Variants in TNIK observed in about 807,000 individuals in gnomAD.
TNIK encodes TRAF2 and NCK-interacting protein kinase.
A neutral mutation model predicts 191.3 loss-of-function variants in TNIK; 49 were observed. The ratio of observed to expected loss-of-function variants is 0.26; its 90% confidence interval spans 0.20 to 0.32. TNIK has a LOEUF of 0.32. TNIK is among the 10% of genes least tolerant of loss of function. The pLI is 1.00. For missense variants in TNIK, 1,155 were observed against 1,702.3 expected (o/e 0.68, Z 5.66); for synonymous variants, 594 against 600.9 (o/e 0.99, Z 0.17).
At chr3:171,246,621 C>CA (rs555849308) in intron 2 of TNIK, among the ~76,000 whole-genome samples, 125 of 151,878 alleles carry the variant, frequency 8.2e-4, no homozygotes, top group African/African-American at 2.7e-3. Flanking sequence ...TTTTAGCAAA[C>CA]AAAAAAAATA....
At chr3:171,200,525 A>G (rs1321307925) in intron 4 of TNIK, among the ~76,000 whole-genome samples, 1 of 151,812 alleles carries the variant, frequency 6.6e-6, no homozygotes, top group Non-Finnish European at 1.5e-5. Flanking sequence ...GTTTTCTCAT[A>G]GAGGTTGGTC....
chr3:171,271,761 T>C (rs1329824702), intron 2 of TNIK, among the ~76,000 whole-genome samples: 1 of 152,176 alleles, frequency 6.6e-6, no homozygotes, highest in Non-Finnish European at 1.5e-5. Context: ...TACAACCTAT[T>C]ATATATAACT....
chr3:171,448,011 A>G (rs543562859), intron 1 of TNIK, among the ~76,000 whole-genome samples: 20 of 152,356 alleles, frequency 1.3e-4, no homozygotes, highest in African/African-American at 4.8e-4. Flanking sequence ...TAAGTACACA[A>G]ACTACTGAAA....
chr3:171,316,232 C>T (rs2108316467), intron 2 of TNIK, among the ~76,000 whole-genome samples: 1 of 152,184 alleles, frequency 6.6e-6, no homozygotes. Flanking sequence ...CAAGATAAAG[C>T]TTTCAAGAAA....
At chr3:171,136,136 T>C (rs1287536230) in intron 15 of TNIK, among the ~76,000 whole-genome samples, 1 of 152,226 alleles carries the variant, frequency 6.6e-6, no homozygotes, top group African/African-American at 2.4e-5. Context: ...AATTCTGGAA[T>C]GGTTTGCACA....
At chr3:171,211,696 T>C (rs749510430) in intron 3 of TNIK, among the ~76,000 whole-genome samples, 1 of 152,146 alleles carries the variant, frequency 6.6e-6, no homozygotes, top group African/African-American at 2.4e-5. Flanking sequence ...GCTCCTTTCA[T>C]TGAAGTACCT....
At chr3:171,239,417 A>T (rs1299862880) in intron 2 of TNIK, among the ~76,000 whole-genome samples, 2 of 152,250 alleles carry the variant, frequency 1.3e-5, no homozygotes, top group Non-Finnish European at 2.9e-5. Context: ...AGAAAAAATA[A>T]ATGAGCAGCA....
chr3:171,290,516 A>C (rs1751565622), intron 2 of TNIK, among the ~76,000 whole-genome samples: 1 of 152,170 alleles, frequency 6.6e-6, no homozygotes, highest in Non-Finnish European at 1.5e-5. Context: ...AATGGCAATT[A>C]TTATTATATG....
intron 2 of TNIK, among the ~76,000 whole-genome samples, chr3:171,361,820 T>C (rs1715019120): frequency 6.6e-6 from 1 of 152,172 alleles, no homozygotes; most frequent in Admixed American, 6.5e-5. Flanking sequence ...ACTTTCATAG[T>C]CATTAATTGA....
At chr3:171,421,489 T>TAGAA (rs1723791046) in intron 1 of TNIK, among the ~76,000 whole-genome samples, 3 of 152,202 alleles carry the variant, frequency 2.0e-5, no homozygotes, top group African/African-American at 7.2e-5. Flanking sequence ...CATACTTTCC[T>TAGAA]TCTGAAGTCA....
At chr3:171,172,098 C>T (rs1393355159) in intron 9 of TNIK, among the ~76,000 whole-genome samples, 1 of 152,140 alleles carries the variant, frequency 6.6e-6, no homozygotes, top group African/African-American at 2.4e-5. Context: ...AGAGCAGTGC[C>T]ACTGCCTTTA....
At chr3:171,453,196 TA>T (rs771212329) in intron 1 of TNIK, among the ~76,000 whole-genome samples, 225 of 152,304 alleles carry the variant, frequency 1.5e-3, no homozygotes, top group Middle Eastern at 0.01. Context: ...TGAGGATCCC[TA>T]AGAAAATCAA....
intron 1 of TNIK, among the ~76,000 whole-genome samples, chr3:171,392,354 G>C (rs1163899796): frequency 6.6e-6 from 1 of 152,170 alleles, no homozygotes; most frequent in Non-Finnish European, 1.5e-5. Context: ...ATGAGAAAGG[G>C]GAGGAGAGGG....
rs1033072598 is a variant in TNIK, at chr3:171,060,317, C to T, written c.*3564G>A. 1.3e-5 allele frequency among the ~76,000 whole-genome samples: 2 copies of T among 152,076 alleles called. No individual in the cohort carries two copies. The highest frequency in any genetic ancestry group is 4.8e-5 in the African/African-American group (2 of 41,394). On this transcript the variant is annotated 3_prime_UTR_variant, in exon 33 of 33. Coordinates refer to ENST00000436636, the MANE Select transcript of TNIK (RefSeq NM_015028.4). ...CTAATAATCTACTGGACAGGAGGGA[C>T]CAGAGACACCAATTACCAATGAGTC...
intron 12 of TNIK, among the ~76,000 whole-genome samples, chr3:171,143,104 A>G (rs1731073719): frequency 1.3e-5 from 2 of 152,218 alleles, no homozygotes; most frequent in South Asian, 4.1e-4. Flanking sequence ...AGTAACTAAT[A>G]ATTAATAATG....
chr3:171,279,828 A>G (rs1750219477), intron 2 of TNIK, among the ~76,000 whole-genome samples: 1 of 152,170 alleles, frequency 6.6e-6, no homozygotes, highest in African/African-American at 2.4e-5. Flanking sequence ...AGATTATTTA[A>G]ATTGCCCAAA....
At position 171,294,725 on chromosome 3, in the gene TNIK, A is replaced by G. The variant is rs149538406; in HGVS notation, c.124-66504T>C. 2.0e-4 allele frequency among the ~76,000 whole-genome samples: 30 copies of G among 151,880 alleles called. 1 individual carries two copies. Among genetic ancestry groups the G allele is most frequent in the African/African-American group, 7.2e-4 (30 of 41,402 alleles). On this transcript the variant is annotated intron_variant, in intron 2 of 32. Coordinates refer to ENST00000436636, the MANE Select transcript of TNIK (RefSeq NM_015028.4). ...CACAAGAAGGAAACTCCATCTCAAT[A>G]ATAATAATAATAATAATGAATGACA...
rs1719562085 is a variant in TNIK, at chr3:171,074,017, CA to C, written c.3449-2695del. Among the ~76,000 whole-genome samples, 3 of 129,698 alleles carry C rather than the reference CA, an allele frequency of 2.3e-5. No homozygotes were observed. The South Asian group carries it at 8.1e-4, about 35-fold the overall frequency. 85.1% of individuals were successfully genotyped at this position (129,698 alleles called of 152,430 possible). A position where few individuals can be genotyped will look rare whatever the true frequency, so the allele number is the denominator to read the frequency against. On this transcript the variant is annotated intron_variant, in intron 28 of 32. Coordinates refer to ENST00000436636, the MANE Select transcript of TNIK (RefSeq NM_015028.4). ...AGCAGTCCCACTTCTGGGTAAATCCCAAAGGAAAATAACTTTTTTTTTTTTT... is the reference window on the plus strand; with the variant it reads ...AGCAGTCCCACTTCTGGGTAAATCCCAAGGAAAATAACTTTTTTTTTTTTT...
At chr3:171,395,310 T>G (rs1200984877) in intron 1 of TNIK, among the ~76,000 whole-genome samples, 1 of 152,218 alleles carries the variant, frequency 6.6e-6, no homozygotes, top group East Asian at 1.9e-4. Context: ...GCCTTCCTTT[T>G]GTCATCAGTA....
Sources: gnomAD v4.1 joint callset for allele counts (sites outside exome capture counted in the v4.1 genomes callset) on GRCh38, gnomAD v4.1.1 for gene constraint, MANE v1.5 for transcripts, NCBI Gene and HGNC (gene_info 2026-07-23, HGNC 2026-07-21) for gene names.